ST18: variants seen among roughly 807,000 people sequenced by gnomAD.
ST18 encodes the protein ST18 C2H2C-type zinc finger transcription factor.
In ST18, 50 loss-of-function variants were observed where a neutral mutation model predicts 110.0. The observed-to-expected ratio is 0.45, with a 90% CI of 0.36 to 0.58. The LOEUF is 0.58. Ranked by LOEUF, ST18 falls within the 20% of genes least tolerant of loss-of-function variation. The pLI, the probability that ST18 is intolerant of heterozygous loss-of-function variation, is 0.00. For synonymous variants in ST18, 461 were observed against 452.4 expected (o/e 1.02, Z -0.24); for missense variants, 1,306 against 1,280.1 (o/e 1.02, Z -0.31).
chr8:52,357,715 A>ATT (rs1468569569), intron 2 of ST18, among the ~76,000 whole-genome samples: 2 of 72,962 alleles, frequency 2.7e-5, no homozygotes, highest in African/African-American at 2.1e-4. Flanking sequence ...ATATATATAT[A>ATT]TATATATATA....
At chr8:52,290,180 C>T (rs776749861) in intron 2 of ST18, among the ~76,000 whole-genome samples, 1 of 152,164 alleles carries the variant, frequency 6.6e-6, no homozygotes, top group Non-Finnish European at 1.5e-5. Context: ...CAAATCCACT[C>T]CTCCTTCATG....
At chr8:52,350,200 C>G (rs923038034) in intron 2 of ST18, among the ~76,000 whole-genome samples, 6 of 152,150 alleles carry the variant, frequency 3.9e-5, no homozygotes, top group Admixed American at 1.3e-4. Context: ...CTTAATTAAT[C>G]ATTATGCTCA....
At chr8:52,196,553 C>G (rs1237245026) in intron 8 of ST18, among the ~76,000 whole-genome samples, 1 of 152,082 alleles carries the variant, frequency 6.6e-6, no homozygotes, top group Non-Finnish European at 1.5e-5. Flanking sequence ...CAACCGAGGT[C>G]TGAAAATAGG....
In ST18 at chr8:52,381,654, C is replaced by T. The variant is rs146516344; in HGVS notation, c.-465+27674G>A. Among the ~76,000 whole-genome samples, 415 of 152,174 alleles carry T rather than the reference C, an allele frequency of 2.7e-3. 5 individuals carry two copies. Among genetic ancestry groups the T allele is most frequent in the Non-Finnish European group, 9.3e-4 (63 of 68,008 alleles). ...ATAAGTACAACATGTTAACTCATCG[C>T]GTTAATAATTATCATACACTGCTGG... On this transcript the variant is annotated intron_variant, in intron 2 of 25. Coordinates refer to ENST00000689386, the MANE Select transcript of ST18 (RefSeq NM_001352837.2).
In ST18 at chr8:52,230,048, T is replaced by C. The variant is rs1490070209; in HGVS notation, c.-435A>G. The C allele has an allele frequency of 6.6e-6, 1 of 152,592 alleles. No homozygotes were observed. The highest frequency in any genetic ancestry group is 2.4e-5 in the African/African-American group (1 of 41,450). 9.5% of individuals were successfully genotyped at this position (152,592 alleles called of 1,614,324 possible). A position where few individuals can be genotyped will look rare whatever the true frequency, so the allele number is the denominator to read the frequency against. Reference sequence around the variant, plus strand: ...TTTACTTACCTTCCCTAAAAGCTACTGGATCTGAACTGGAGAGTTTCCATC... The same window carrying C: ...TTTACTTACCTTCCCTAAAAGCTACCGGATCTGAACTGGAGAGTTTCCATC... On this transcript the variant is annotated 5_prime_UTR_variant, in exon 3 of 26. Coordinates refer to ENST00000689386, the MANE Select transcript of ST18 (RefSeq NM_001352837.2).
intron 12 of ST18, 83 bp downstream of exon 12, chr8:52,165,052 C>T: frequency 3.7e-6 from 5 of 1,340,736 alleles, no homozygotes; most frequent in Admixed American, 1.7e-5. Context: ...TTTCATCACA[C>T]ATTGGTAACC....
intron 2 of ST18, among the ~76,000 whole-genome samples, chr8:52,314,601 C>T (rs1003593581): frequency 4.6e-5 from 7 of 152,210 alleles, no homozygotes; most frequent in African/African-American, 1.7e-4. Context: ...GCTTTCTCCT[C>T]TCCGTTTTGC....
intron 2 of ST18, among the ~76,000 whole-genome samples, chr8:52,354,680 T>C (rs181085544): frequency 2.7e-4 from 41 of 152,222 alleles, no homozygotes; most frequent in African/African-American, 6.5e-4. Flanking sequence ...GGGAAAGGAA[T>C]ACATGAAGGA....
chr8:52,269,111 C>T (rs1187815656), intron 2 of ST18, among the ~76,000 whole-genome samples: 5 of 152,202 alleles, frequency 3.3e-5, no homozygotes. Flanking sequence ...ATTCTTCAAA[C>T]ACTATCACTA....
chr8:52,349,197 C>T (rs1819142525), intron 2 of ST18, among the ~76,000 whole-genome samples: 1 of 152,156 alleles, frequency 6.6e-6, no homozygotes, highest in Admixed American at 6.5e-5. Context: ...TTTCTCCCTT[C>T]CCTTCTTCTT....
At chr8:52,215,326 G>A (rs1260707761) in intron 6 of ST18, among the ~76,000 whole-genome samples, 2 of 152,088 alleles carry the variant, frequency 1.3e-5, no homozygotes, top group South Asian at 2.1e-4. Context: ...GCCATTCGAC[G>A]CTCTCCAAGG....
chr8:52,309,976 G>C (rs1341306393), intron 2 of ST18, among the ~76,000 whole-genome samples: 2 of 152,136 alleles, frequency 1.3e-5, no homozygotes, highest in African/African-American at 2.4e-5. Flanking sequence ...ACTGTGCATG[G>C]GGAGAGGGAA....
chr8:52,382,874 C>T (rs1230241610), intron 2 of ST18, among the ~76,000 whole-genome samples: 1 of 151,798 alleles, frequency 6.6e-6, no homozygotes, highest in Non-Finnish European at 1.5e-5. Flanking sequence ...TCTCGGGGGA[C>T]ACGCCCTAGG....
At chr8:52,391,352 A>T (rs528825692) in intron 2 of ST18, among the ~76,000 whole-genome samples, 50 of 152,348 alleles carry the variant, frequency 3.3e-4, no homozygotes, top group African/African-American at 1.2e-3. Context: ...CTGACAGGCC[A>T]GCGAGGGTGC....
intron 11 of ST18, 53 bp from the exon 12 acceptor site, chr8:52,165,278 C>G: frequency 6.4e-7 from 1 of 1,553,198 alleles, no homozygotes; most frequent in Non-Finnish European, 8.9e-7. Flanking sequence ...AAATACAAAG[C>G]ACACTAACAC....
At chr8:52,122,468 T>G (rs1039308259) in intron 23 of ST18, among the ~76,000 whole-genome samples, 2 of 151,738 alleles carry the variant, frequency 1.3e-5, no homozygotes, top group African/African-American at 4.8e-5. Context: ...TTGAGTGAAC[T>G]TCTATTATTT....
intron 2 of ST18, among the ~76,000 whole-genome samples, chr8:52,282,573 G>A (rs2095401911): frequency 6.6e-6 from 1 of 152,114 alleles, no homozygotes; most frequent in Admixed American, 6.5e-5. Context: ...TGTATGTAGG[G>A]ACCTCCCTGG....
intron 2 of ST18, among the ~76,000 whole-genome samples, chr8:52,320,498 G>T (rs898095846): frequency 1.3e-5 from 2 of 152,084 alleles, no homozygotes; most frequent in African/African-American, 4.8e-5. Flanking sequence ...TATTTATAAA[G>T]AATTCATGTA....
chr8:52,270,221 C>T (rs1250068850), intron 2 of ST18, among the ~76,000 whole-genome samples: 1 of 152,134 alleles, frequency 6.6e-6, no homozygotes, highest in African/African-American at 2.4e-5. Flanking sequence ...CTTCACTTAA[C>T]CTCATAGCAT....
Sources: gnomAD v4.1 joint callset for allele counts (sites outside exome capture counted in the v4.1 genomes callset) on GRCh38, gnomAD v4.1.1 for gene constraint, MANE v1.5 for transcripts, NCBI Gene and HGNC (gene_info 2026-07-23, HGNC 2026-07-21) for gene names.